Variants in ATXN2L observed in about 807,000 individuals in gnomAD.
ATXN2L encodes the protein ataxin-2-like protein.
A neutral mutation model predicts 120.7 loss-of-function variants in ATXN2L; 24 were observed. That is an observed-to-expected ratio of 0.20 (90% CI 0.14 to 0.28). The LOEUF is 0.28. ATXN2L is among the 10% of genes least tolerant of loss of function. The pLI, the probability that ATXN2L is intolerant of heterozygous loss-of-function variation, is 1.00. For missense variants in ATXN2L, 1,312 were observed against 1,432.3 expected (o/e 0.92, Z 1.36); for synonymous variants, 653 against 568.1 (o/e 1.15, Z -2.13).
At chr16:28,831,667 G>T (rs1462038967) in intron 10 of ATXN2L, among the ~76,000 whole-genome samples, 1 of 152,138 alleles carries the variant, frequency 6.6e-6, no homozygotes, top group Non-Finnish European at 1.5e-5. Context: ...TAGGCAGATT[G>T]CTTGAGCCCA....
chr16:28,829,995 A>G lies in ATXN2L; in HGVS notation c.971A>G (p.Glu324Gly). The G allele has an allele frequency of 1.2e-6, 2 of 1,614,228 alleles. No homozygotes were observed. The highest frequency in any genetic ancestry group is 1.7e-6 in the Non-Finnish European group (2 of 1,180,046). Residue 324 changes from glutamate to glycine, a missense_variant, in exon 8 of 22, where the codon GAG becomes GGG. Glu to Gly is a moderately conservative substitution (Grantham distance 98). Coordinates refer to ENST00000336783, the MANE Select transcript of ATXN2L (RefSeq NM_007245.4). The stretch of plus-strand genomic sequence containing the variant: ...GAGAACGACGATGGGCGCACTGAAG[A>G]GGAGAAGCACAGTGCAGTCCAGCGG... ...AMENDDGRTE[E>G]EKHSAVQRQG...
intron 1 of ATXN2L, chr16:28,824,290 AGT>A (rs1232491765): frequency 1.1e-4 from 123 of 1,167,958 alleles, no homozygotes; most frequent in East Asian, 6.5e-4. Flanking sequence ...TTCCTGTGCG[AGT>A]GTGTGTGTGT....
chr16:28,830,180 TAGG>T (rs1237924778), intron 8 of ATXN2L, 122 bp downstream of exon 8: 14 of 1,001,752 alleles, frequency 1.4e-5, no homozygotes, highest in Non-Finnish European at 1.8e-5. Flanking sequence ...TACACAGGTT[TAGG>T]AGGTTGAGGT....
intron 1 of ATXN2L, among the ~76,000 whole-genome samples, chr16:28,824,986 A>T (rs1596852878): frequency 6.6e-6 from 1 of 151,642 alleles, no homozygotes; most frequent in East Asian, 1.9e-4. Context: ...AGGTGGGAGG[A>T]TCCCTTGAGC....
In ATXN2L at chr16:28,826,944, G is replaced by A. The variant is rs201205942; in HGVS notation, c.699G>A (p.Gly233=). ...HKEKVLQRWE[G]GDSNSDDYDL... ...AGAAGGTGCTTCAGCGCTGGGAGGG[G>A]GGTGACAGCAACAGCGACGACTATG... The change falls in exon 6 of 22, where the codon GGG becomes GGA. Residue 233 remains glycine (G), a synonymous_variant. Transcript: ENST00000336783. 1 of 1,585,518 alleles carries A rather than the reference G, an allele frequency of 6.3e-7. No homozygotes were observed. The highest frequency in any genetic ancestry group is 8.6e-7 in the Non-Finnish European group (1 of 1,162,254).
chr16:28,832,300 A>C lies in ATXN2L; in HGVS notation c.1417A>C (p.Thr473Pro). 1 of 1,613,902 alleles carries C rather than the reference A, an allele frequency of 6.2e-7. No individual in the cohort carries two copies. The highest frequency in any genetic ancestry group is 1.3e-5 in the African/African-American group (1 of 74,964). ...PEPPIGSAVP[T>P]SSASIPVTSS... ...GCCTCCCATCGGCTCGGCAGTGCCAACCTCTTCAGCCTCCATCCCTGTGAC... is the reference window on the plus strand; with the variant it reads ...GCCTCCCATCGGCTCGGCAGTGCCACCCTCTTCAGCCTCCATCCCTGTGAC... The change falls in exon 11 of 22, where the codon ACC becomes CCC. Residue 473 changes from threonine (T) to proline (P), a missense_variant. Transcript: ENST00000336783.
intron 1 of ATXN2L, among the ~76,000 whole-genome samples, chr16:28,824,971 G>A (rs953000369): frequency 2.0e-5 from 3 of 151,978 alleles, no homozygotes; most frequent in African/African-American, 7.3e-5. Flanking sequence ...CACTTTAGGA[G>A]GCAAAGGTGG....
chr16:28,828,597 A>C (rs931042735), intron 6 of ATXN2L, among the ~76,000 whole-genome samples: 1 of 152,092 alleles, frequency 6.6e-6, no homozygotes, highest in African/African-American at 2.4e-5. Context: ...CTCCAAAAAA[A>C]AAAAAAAAAT....
chr16:28,828,173 T>G (rs770300650), intron 6 of ATXN2L, among the ~76,000 whole-genome samples: 1 of 152,222 alleles, frequency 6.6e-6, no homozygotes, highest in African/African-American at 2.4e-5. Flanking sequence ...TTAGAACATA[T>G]ATTCCCCACG....
At chr16:28,828,830 A>C (rs972614987) in intron 6 of ATXN2L, among the ~76,000 whole-genome samples, 1 of 152,038 alleles carries the variant, frequency 6.6e-6, no homozygotes, top group Non-Finnish European at 1.5e-5. Flanking sequence ...ATCTCAGCTC[A>C]CTGCAACCTC....
rs973036986 is a variant in ATXN2L at position 28,826,549 on chromosome 16, G to A, written c.616+159G>A. 5.7e-4 allele frequency: 447 copies of A among 786,940 alleles called. 2 individuals are homozygous for A. Among genetic ancestry groups the A allele is most frequent in the Non-Finnish European group, 4.1e-5 (21 of 511,234 alleles). 48.7% of individuals were successfully genotyped at this position (786,940 alleles called of 1,614,324 possible). ...TTTTTTTTCCTGAGCGAAGTGGGTG[G>A]ATTTTTCTTCTTAAAAATATGTCTT... On this transcript the variant is annotated intron_variant, in intron 5 of 21. Transcript: ENST00000336783.
In ATXN2L at chr16:28,834,147, G is replaced by C. The variant is rs749275119; in HGVS notation, c.2108G>C (p.Ser703Thr). The part of the protein sequence containing the change: ...PSIPVLTAGQ[S>T]GLYSPQYISY... Reference sequence around the variant, plus strand: ...ATCCCGGTGCTGACAGCAGGCCAGAGTGGGCTATACAGCCCCCAGTACATC... The same window carrying C: ...ATCCCGGTGCTGACAGCAGGCCAGACTGGGCTATACAGCCCCCAGTACATC... The change falls in exon 16 of 22, where the codon AGT becomes ACT. Residue 703 changes from serine (S) to threonine (T), a missense_variant. Physicochemically the swap from Ser to Thr is moderately conservative, Grantham distance 58 (BLOSUM62 1). Transcript: ENST00000336783. The C allele has an allele frequency of 5.0e-6, 8 of 1,614,180 alleles. No individual in the cohort carries two copies. The South Asian group carries it at 8.8e-5, about 18-fold the overall frequency.
In ATXN2L at chr16:28,836,014, C is replaced by T. The variant is rs1466066008; in HGVS notation, c.2977C>T (p.Pro993Ser). 6.4e-7 allele frequency: 1 copy of T among 1,572,630 alleles called. No homozygotes were observed. The highest frequency in any genetic ancestry group is 8.6e-7 in the Non-Finnish European group (1 of 1,158,420). The change falls in exon 22 of 22, where the codon CCA becomes TCA. Residue 993 changes from proline (P) to serine (S), a missense_variant. By Grantham distance (74) the Pro-to-Ser change is moderately conservative. Transcript: ENST00000336783. The stretch of plus-strand genomic sequence containing the variant: ...CCCGCCCCAGGTGATGCTGCTGCAC[C>T]CACCCCAGAGTCATGGGGGGCCCCC... ...PHPPQVMLLH[P>S]PQSHGGPPQG...
rs755684437 is a variant in ATXN2L at position 28,826,895 on chromosome 16, C to G, written c.650C>G (p.Ser217Trp). The G allele has an allele frequency of 6.3e-7, 1 of 1,597,120 alleles. No individual in the cohort carries two copies. The highest frequency in any genetic ancestry group is 8.6e-7 in the Non-Finnish European group (1 of 1,169,494). ...ACCGATTCAGCCATTGCCATGAACT[C>G]GAAAGTGAATGGGGAACACAAAGAG... ...KFTDSAIAMNSKVNGEHKEKV... is the reference protein window; with the variant it reads ...KFTDSAIAMNWKVNGEHKEKV... The change falls in exon 6 of 22, where the codon TCG becomes TGG. Residue 217 changes from serine to tryptophan, a missense_variant. Transcript: ENST00000336783.
intron 21 of ATXN2L, 69 bp from the exon 22 acceptor site, chr16:28,835,864 C>T: frequency 3.8e-6 from 6 of 1,575,330 alleles, no homozygotes; most frequent in South Asian, 1.2e-5. Flanking sequence ...ATAGTGCTCC[C>T]TAACTCTGGC....
chr16:28,831,790 G>C (rs1042460285), intron 10 of ATXN2L, among the ~76,000 whole-genome samples: 15 of 152,086 alleles, frequency 9.9e-5, no homozygotes, highest in African/African-American at 3.6e-4. Context: ...AGGCTGAGGT[G>C]GGGGGAATCG....
chr16:28,834,222 A>G lies in ATXN2L; in HGVS notation c.2172+11A>G. ...GGACCAGCTGTGCAGGTATGCAGAG[A>G]GACTGGCCGGGCCCAGGGTTAGCGG... On this transcript the variant is annotated intron_variant, in intron 16 of 21. Transcript: ENST00000336783. The G allele has an allele frequency of 4.3e-6, 7 of 1,612,286 alleles. No individual in the cohort carries two copies. The highest frequency in any genetic ancestry group is 5.9e-6 in the Non-Finnish European group (7 of 1,178,624).
chr16:28,834,750 TTC>T, intron 18 of ATXN2L, 57 bp downstream of exon 18: 1 of 1,539,112 alleles, frequency 6.5e-7, no homozygotes, highest in African/African-American at 1.4e-5. Flanking sequence ...GGATCCCATC[TTC>T]TCCAGAGACT....
rs182660894 is a variant in ATXN2L, at chr16:28,834,139, A to G, written c.2100A>G (p.Ala700=). The change falls in exon 16 of 22, where the codon GCA becomes GCG. Residue 700 remains alanine (A), a synonymous_variant. Transcript: ENST00000336783. ...CTCCCTCCATCCCGGTGCTGACAGC[A>G]GGCCAGAGTGGGCTATACAGCCCCC... ...HSTPSIPVLT[A]GQSGLYSPQY... The G allele has an allele frequency of 6.2e-7, 1 of 1,614,148 alleles. No individual in the cohort carries two copies. Among genetic ancestry groups the G allele is most frequent in the East Asian group, 2.2e-5 (1 of 44,886 alleles).
Sources: gnomAD v4.1 joint callset for allele counts (sites outside exome capture counted in the v4.1 genomes callset) on GRCh38, gnomAD v4.1.1 for gene constraint, MANE v1.5 for transcripts, NCBI Gene and HGNC (gene_info 2026-07-23, HGNC 2026-07-21) for gene names.